IL3RA: variants seen among roughly 807,000 people sequenced by gnomAD.
IL3RA encodes the protein interleukin 3 receptor subunit alpha, also known as interleukin-3 receptor subunit alpha.
In IL3RA, 73 loss-of-function variants were observed where a neutral mutation model predicts 52.3. The observed-to-expected ratio is 1.40, with a 90% CI of 1.16 to 1.70. The LOEUF (loss-of-function observed/expected upper bound fraction) is 1.70. Among genes scored for constraint, IL3RA ranks in the 40% most tolerant of loss-of-function variants. IL3RA has a pLI of 0.00. For synonymous variants in IL3RA, 260 were observed against 194.0 expected (o/e 1.34, Z -2.83); for missense variants, 664 against 504.4 (o/e 1.32, Z -3.03).
intron 2 of IL3RA, among the ~76,000 whole-genome samples, chrX:1,343,848 T>G (rs1470103520): frequency 1.9e-4 from 28 of 146,500 alleles, no homozygotes; most frequent in Non-Finnish European, 3.3e-4. Flanking sequence ...CAGGCTGGAG[T>G]GCAGTGGCAC....
At chrX:1,378,122 G>A (rs1464742638) in intron 9 of IL3RA, among the ~76,000 whole-genome samples, 1 of 149,376 alleles carries the variant, frequency 6.7e-6, no homozygotes, top group South Asian at 2.1e-4. Flanking sequence ...GGAGGTGGAG[G>A]TTGTGAGCTG....
At chrX:1,356,064 G>GT (rs201324376) in intron 6 of IL3RA, among the ~76,000 whole-genome samples, 157 bp from the exon 7 acceptor site, 2,871 of 152,092 alleles carry the variant, frequency 0.019, 87 homozygotes, top group African/African-American at 0.065. Context: ...TGCCTGTAGA[G>GT]TTTCTTTGTT....
intron 2 of IL3RA, among the ~76,000 whole-genome samples, chrX:1,344,720 C>G (rs1210421335): frequency 6.6e-6 from 1 of 151,332 alleles, no homozygotes; most frequent in East Asian, 2.0e-4. Flanking sequence ...TTGCGGTGAG[C>G]TGAGATCGTG....
Position 1,348,678 on chromosome X carries a change from CT to C in IL3RA, c.298+136del, listed in dbSNP as rs368915677. 6.9e-5 allele frequency: 33 copies of C among 476,868 alleles called. 1 individual carries two copies. The East Asian group carries it at 9.8e-4, about 14-fold the overall frequency. 29.5% of individuals were successfully genotyped at this position (476,868 alleles called of 1,614,324 possible). ...TCTTTCTTTCTTTCTTTCTTTCTTT[CT>C]TTCTTTCTTTCTTTTTCTTTCTTTC... is the stretch of plus-strand genomic sequence containing the variant. On this transcript the variant is annotated intron_variant, in intron 4 of 11. Transcript: ENST00000331035.
chrX:1,337,633 C>T (rs1272878349), intron 1 of IL3RA, among the ~76,000 whole-genome samples: 7 of 148,932 alleles, frequency 4.7e-5, no homozygotes, highest in Non-Finnish European at 7.5e-5. Flanking sequence ...CCCTCATACC[C>T]ATCTATAGAC....
intron 1 of IL3RA, 68 bp from the exon 2 acceptor site, chrX:1,341,660 C>T (rs1485525209): frequency 2.0e-5 from 24 of 1,226,152 alleles, no homozygotes; most frequent in Admixed American, 1.1e-4. Context: ...AAGGGGCAAG[C>T]ATCCTTCATT....
At chrX:1,378,605 CT>C in intron 9 of IL3RA, 53 bp from the exon 10 acceptor site, 2 of 1,479,448 alleles carry the variant, frequency 1.4e-6, no homozygotes, top group Non-Finnish European at 1.9e-6. Flanking sequence ...CTTACAGTCC[CT>C]GGTCCCCCCA....
At chrX:1,343,945 G>T (rs1482638669) in intron 2 of IL3RA, among the ~76,000 whole-genome samples, 2 of 151,372 alleles carry the variant, frequency 1.3e-5, no homozygotes, top group Non-Finnish European at 2.9e-5. Flanking sequence ...ACAGGCGCCC[G>T]CCACCACGCC....
chrX:1,351,472 C>T (rs1315675077), intron 4 of IL3RA, among the ~76,000 whole-genome samples: 2 of 150,324 alleles, frequency 1.3e-5, no homozygotes, highest in Non-Finnish European at 3.0e-5. Flanking sequence ...GGGATTACAG[C>T]GGCCCGACAT....
At position 1,381,025 on chromosome X, in the gene IL3RA, A is replaced by G; in HGVS notation, c.983A>G (p.Tyr328Cys). 1 of 1,613,772 alleles carries G rather than the reference A, an allele frequency of 6.2e-7. No homozygotes were observed. Among genetic ancestry groups the G allele is most frequent in the Non-Finnish European group, 8.5e-7 (1 of 1,179,702 alleles). Residue 328 changes from tyrosine (Y) to cysteine (C), a missense_variant and splice_region_variant, in exon 11 of 12, where the codon TAT becomes TGT. By Grantham distance (194) the Tyr-to-Cys change is radical (BLOSUM62 -2). Transcript: ENST00000331035. The part of the protein sequence containing the change: ...LVCVFVICRR[Y>C]LVMQRLFPRI... ...GGGCCATTTCTCTTTCCTCCGAGGT[A>G]TCTGGTGATGCAGAGACTCTTTCCC...
At chrX:1,338,139 G>A (rs7051790) in intron 1 of IL3RA, among the ~76,000 whole-genome samples, 1 of 126,146 alleles carries the variant, frequency 7.9e-6, no homozygotes, top group African/African-American at 3.0e-5. Context: ...TAGATGAAGG[G>A]AGAAATATAA....
chrX:1,344,937 C>T (rs1181370032), intron 2 of IL3RA, among the ~76,000 whole-genome samples: 3 of 148,810 alleles, frequency 2.0e-5, no homozygotes, highest in African/African-American at 7.4e-5. Context: ...CTGAGGCGGA[C>T]GAATCATGAG....
At chrX:1,378,462 T>C (rs1230164489) in intron 9 of IL3RA, among the ~76,000 whole-genome samples, 197 bp from the exon 10 acceptor site, 2 of 152,172 alleles carry the variant, frequency 1.3e-5, no homozygotes, top group African/African-American at 4.8e-5. Flanking sequence ...CTCCCGGTCC[T>C]GGTACTCAGG....
chrX:1,358,169 G>GC (rs1182852893), intron 7 of IL3RA, among the ~76,000 whole-genome samples: 1 of 152,036 alleles, frequency 6.6e-6, no homozygotes, highest in Non-Finnish European at 1.5e-5. Context: ...ATTTGAGGGA[G>GC]CAGGCATAGC....
chrX:1,338,872 T>C (rs1478093245), intron 1 of IL3RA, among the ~76,000 whole-genome samples: 1 of 152,082 alleles, frequency 6.6e-6, no homozygotes, highest in Admixed American at 6.6e-5. Context: ...CGATCTCAGC[T>C]CACTGCAACC....
chrX:1,338,097 A>G (rs775434865), intron 1 of IL3RA, among the ~76,000 whole-genome samples: 47 of 151,992 alleles, frequency 3.1e-4, no homozygotes, highest in Admixed American at 1.9e-3. Flanking sequence ...ACAATAGCCA[A>G]GAGGTGGAGA....
At chrX:1,368,713 G>A (rs1451918778) in intron 9 of IL3RA, among the ~76,000 whole-genome samples, 1 of 151,218 alleles carries the variant, frequency 6.6e-6, no homozygotes, top group African/African-American at 2.4e-5. Flanking sequence ...GTGGGACACA[G>A]GGAGAAGACG....
intron 8 of IL3RA, among the ~76,000 whole-genome samples, chrX:1,362,206 G>GTC (rs759530749): frequency 6.7e-6 from 1 of 148,588 alleles, no homozygotes. Flanking sequence ...CTCCGTTTCT[G>GTC]TCTCTCTCTC....
At chrX:1,340,260 C>T (rs770353460) in intron 1 of IL3RA, among the ~76,000 whole-genome samples, 12 of 152,092 alleles carry the variant, frequency 7.9e-5, no homozygotes, top group Non-Finnish European at 5.9e-5. Context: ...GGATTATAGG[C>T]ACACTCCACC....
Sources: allele counts gnomAD v4.1 joint callset (sites outside exome capture counted in the v4.1 genomes callset), GRCh38; gene constraint gnomAD v4.1.1; transcripts MANE v1.5; gene names NCBI Gene and HGNC (gene_info 2026-07-23, HGNC 2026-07-21).